PPP1R12B: variants seen among roughly 807,000 people sequenced by gnomAD.
PPP1R12B encodes protein phosphatase 1 regulatory subunit 12B, also known as myosin phosphatase target subunit 2.
PPP1R12B carries 76 observed loss-of-function variants against 126.1 expected under a neutral mutation model. That is an observed-to-expected ratio of 0.60 (90% CI 0.50 to 0.73). PPP1R12B has a LOEUF of 0.73. Among genes scored for constraint, PPP1R12B ranks in the 30% least tolerant of loss-of-function variants. PPP1R12B has a pLI of 0.00. For synonymous variants in PPP1R12B, 356 were observed against 434.7 expected (o/e 0.82, Z 2.25); for missense variants, 1,052 against 1,205.1 (o/e 0.87, Z 1.88).
chr1:202,387,560 A>G (rs1387132403), intron 1 of PPP1R12B, among the ~76,000 whole-genome samples: 1 of 152,124 alleles, frequency 6.6e-6, no homozygotes, highest in African/African-American at 2.4e-5. Context: ...TACTCCTTAA[A>G]CTTGGCTTCA....
intron 18 of PPP1R12B, among the ~76,000 whole-genome samples, chr1:202,521,230 A>C (rs961778951): frequency 1.4e-4 from 21 of 152,328 alleles, no homozygotes; most frequent in Admixed American, 1.2e-3. Context: ...AGGTTGGCAC[A>C]TTATCAGATT....
chr1:202,558,866 C>A lies in PPP1R12B; in HGVS notation c.2491-11C>A. 2 of 1,541,850 alleles carry A rather than the reference C, an allele frequency of 1.3e-6. 1 individual carries two copies. The highest frequency in any genetic ancestry group is 2.3e-5 in the South Asian group (2 of 85,744). Reference sequence around the variant, plus strand: ...TCTTTTTTTGTTTTTGTTTTTGTCTCCTTTCTCTAGCATGAAAGACTTTCT... The same window carrying A: ...TCTTTTTTTGTTTTTGTTTTTGTCTACTTTCTCTAGCATGAAAGACTTTCT... On this transcript the variant is annotated splice_polypyrimidine_tract_variant and intron_variant, in intron 18 of 23. Coordinates refer to ENST00000608999, the MANE Select transcript of PPP1R12B (RefSeq NM_002481.4).
chr1:202,591,322 C>T lies in PPP1R12B; in HGVS notation c.*10762C>T, dbSNP rs530567125. 1 of 152,798 alleles carries T rather than the reference C, an allele frequency of 6.5e-6. No homozygotes were observed. Among genetic ancestry groups the T allele is most frequent in the African/African-American group, 2.4e-5 (1 of 41,604 alleles). 9.5% of individuals were successfully genotyped at this position (152,798 alleles called of 1,614,324 possible). A position where few individuals can be genotyped will look rare whatever the true frequency, so the allele number is the denominator to read the frequency against. ...TCCTTCCTCATACTTGTCACAGTTGCCAGGCCTGAGGCATCCTGGGCTCTT... is the reference window on the plus strand; with the variant it reads ...TCCTTCCTCATACTTGTCACAGTTGTCAGGCCTGAGGCATCCTGGGCTCTT... On this transcript the variant is annotated 3_prime_UTR_variant, in exon 24 of 24. Coordinates refer to ENST00000608999, the MANE Select transcript of PPP1R12B (RefSeq NM_002481.4).
chr1:202,504,626 A>G (rs1051922879), intron 18 of PPP1R12B, among the ~76,000 whole-genome samples: 5 of 152,190 alleles, frequency 3.3e-5, no homozygotes, highest in Admixed American at 6.5e-5. Flanking sequence ...TTGTAGTCCT[A>G]GTGCACAGCT....
chr1:202,378,671 G>A (rs1032353494), intron 1 of PPP1R12B, among the ~76,000 whole-genome samples: 9 of 152,166 alleles, frequency 5.9e-5, no homozygotes, highest in African/African-American at 2.2e-4. Flanking sequence ...GTAGAGATGG[G>A]GTTTCACCAT....
At chr1:202,437,105 G>A (rs997039838) in intron 9 of PPP1R12B, among the ~76,000 whole-genome samples, 1 of 152,084 alleles carries the variant, frequency 6.6e-6, no homozygotes, top group African/African-American at 2.4e-5. Context: ...TGAGATGCGA[G>A]GATTGCTCGA....
rs1690032501 is a variant in PPP1R12B, at chr1:202,589,711, C to T, written c.*9151C>T. The T allele has an allele frequency of 6.6e-6, 1 of 152,270 alleles. No individual in the cohort carries two copies. 9.4% of individuals were successfully genotyped at this position (152,270 alleles called of 1,614,324 possible). On this transcript the variant is annotated 3_prime_UTR_variant, in exon 24 of 24. Coordinates refer to ENST00000608999, the MANE Select transcript of PPP1R12B (RefSeq NM_002481.4). ...CAGGAGACCCTCAGGTGATAAATCCCAGTCCGTCTGCTGAAAGGCTCATGC... is the reference window on the plus strand; with the variant it reads ...CAGGAGACCCTCAGGTGATAAATCCTAGTCCGTCTGCTGAAAGGCTCATGC...
chr1:202,356,053 A>G (rs921621560), intron 1 of PPP1R12B, among the ~76,000 whole-genome samples: 2 of 152,010 alleles, frequency 1.3e-5, no homozygotes, highest in Admixed American at 1.3e-4. Flanking sequence ...TGGTGGTGCA[A>G]ACATGTGGTC....
chr1:202,533,149 G>A (rs1378468482), intron 18 of PPP1R12B, among the ~76,000 whole-genome samples: 3 of 152,064 alleles, frequency 2.0e-5, no homozygotes, highest in Non-Finnish European at 4.4e-5. Context: ...GATTACAGGC[G>A]TGACACATTC....
rs367567261 is a variant in PPP1R12B, at chr1:202,587,153, A to C, written c.*6593A>C. 1.7e-4 allele frequency: 26 copies of C among 152,292 alleles called. No homozygotes were observed. The highest frequency in any genetic ancestry group is 6.3e-4 in the African/African-American group (26 of 41,550). 9.4% of individuals were successfully genotyped at this position (152,292 alleles called of 1,614,324 possible). On this transcript the variant is annotated 3_prime_UTR_variant, in exon 24 of 24. Coordinates refer to ENST00000608999, the MANE Select transcript of PPP1R12B (RefSeq NM_002481.4). ...TCCCTGATGTTTCCAATAAAGATTT[A>C]CTTGGGTGGCCCCTTAAGGTGACAT...
chr1:202,451,659 A>G (rs1672947224), intron 13 of PPP1R12B, among the ~76,000 whole-genome samples: 1 of 152,026 alleles, frequency 6.6e-6, no homozygotes, highest in African/African-American at 2.4e-5. Context: ...CATTGTCATC[A>G]TGGCCCGTTC....
intron 4 of PPP1R12B, among the ~76,000 whole-genome samples, chr1:202,426,338 T>A (rs1669502848): frequency 6.6e-6 from 1 of 152,042 alleles, no homozygotes; most frequent in East Asian, 1.9e-4. Context: ...TAATGCAGGG[T>A]TTTTAATAGG....
intron 1 of PPP1R12B, among the ~76,000 whole-genome samples, chr1:202,353,143 A>T (rs1314936810): frequency 6.6e-6 from 1 of 152,250 alleles, no homozygotes; most frequent in African/African-American, 2.4e-5. Context: ...ACAGAAGATG[A>T]GTAAGATGAA....
chr1:202,580,589 A>G lies in PPP1R12B; in HGVS notation c.*29A>G. The G allele has an allele frequency of 6.3e-7, 1 of 1,574,850 alleles. No individual in the cohort carries two copies. Among genetic ancestry groups the G allele is most frequent in the Non-Finnish European group, 8.7e-7 (1 of 1,144,228 alleles). On this transcript the variant is annotated 3_prime_UTR_variant, in exon 24 of 24. Transcript: ENST00000608999. ...AGGCTCCAGATTTATGAGGAAAGAA[A>G]GGGACAGCATTTGCTGCCCCCACCC...
At chr1:202,499,443 T>C (rs1490578306) in intron 18 of PPP1R12B, among the ~76,000 whole-genome samples, 4 of 152,130 alleles carry the variant, frequency 2.6e-5, no homozygotes, top group African/African-American at 9.7e-5. Context: ...TTTCTAGAGA[T>C]GGGGTTTCAC....
At chr1:202,374,225 T>C (rs1287073837) in intron 1 of PPP1R12B, among the ~76,000 whole-genome samples, 3 of 152,192 alleles carry the variant, frequency 2.0e-5, no homozygotes, top group Non-Finnish European at 4.4e-5. Flanking sequence ...CTCCTCTGTT[T>C]ACTATCTCAG....
chr1:202,592,357 C>T lies in PPP1R12B; in HGVS notation c.*11797C>T, dbSNP rs1273271412. The T allele has an allele frequency of 6.5e-6, 1 of 152,678 alleles. No individual in the cohort carries two copies. Among genetic ancestry groups the T allele is most frequent in the African/African-American group, 2.4e-5 (1 of 41,458 alleles). 9.5% of individuals were successfully genotyped at this position (152,678 alleles called of 1,614,324 possible). On this transcript the variant is annotated 3_prime_UTR_variant, in exon 24 of 24. Transcript: ENST00000608999. ...ACTGGAGCAGGCACCGACTCCCGCCCACTGATGACTCCCATGGGGGGTTTC... is the reference window on the plus strand; with the variant it reads ...ACTGGAGCAGGCACCGACTCCCGCCTACTGATGACTCCCATGGGGGGTTTC...
At chr1:202,517,108 A>C (rs1404841231) in intron 18 of PPP1R12B, among the ~76,000 whole-genome samples, 1 of 152,194 alleles carries the variant, frequency 6.6e-6, no homozygotes, top group Non-Finnish European at 1.5e-5. Flanking sequence ...TGGGCTAAAA[A>C]CTTCTTAGTT....
chr1:202,401,868 A>C (rs1261390655), intron 1 of PPP1R12B, among the ~76,000 whole-genome samples: 1 of 152,146 alleles, frequency 6.6e-6, no homozygotes, highest in Non-Finnish European at 1.5e-5. Flanking sequence ...GCTTGAGGAC[A>C]CTCTATAAAT....
Sources: allele counts gnomAD v4.1 joint callset (sites outside exome capture counted in the v4.1 genomes callset), GRCh38; gene constraint gnomAD v4.1.1; transcripts MANE v1.5; gene names NCBI Gene and HGNC (gene_info 2026-07-23, HGNC 2026-07-21).